The following DPH6 variants were observed in gnomAD, a reference collection of about 807,000 sequenced individuals.
DPH6 encodes diphthine--ammonia ligase.
In DPH6, 33 loss-of-function variants were observed where a neutral mutation model predicts 38.2. The observed-to-expected ratio is 0.86, with a 90% CI of 0.65 to 1.15. DPH6 has a LOEUF of 1.15. DPH6 is among the 50% of genes most tolerant of loss of function. The probability of loss-of-function intolerance (pLI) is 0.00; values close to 1 mark genes in which losing one functional copy is unlikely to be tolerated. For synonymous variants in DPH6, 108 were observed against 103.0 expected, an observed-to-expected ratio of 1.05 and a Z score of -0.30; for missense variants, 325 against 320.0, an observed-to-expected ratio of 1.02 and a Z score of -0.12.
At chr15:35,252,998 A>G (rs2051684778) in intron 3 of DPH6, among the ~76,000 whole-genome samples, 1 of 152,208 alleles carries the variant, frequency 6.6e-6, no homozygotes, top group Non-Finnish European at 1.5e-5. Flanking sequence ...TTAGTAATAA[A>G]TAGACTTGGG....
intron 8 of DPH6, among the ~76,000 whole-genome samples, chr15:35,373,181 T>C (rs2052734806): frequency 6.6e-6 from 1 of 151,954 alleles, no homozygotes; most frequent in Non-Finnish European, 1.5e-5. Context: ...CCTCAAACCC[T>C]TCCCTTAATG....
intron 3 of DPH6, among the ~76,000 whole-genome samples, chr15:35,475,802 C>T (rs566569278): frequency 1.3e-5 from 2 of 150,264 alleles, no homozygotes; most frequent in East Asian, 2.0e-4. Context: ...TAAGAGTGGC[C>T]GAGCAAAGAT....
At chr15:35,311,099 A>C (rs989737171) in intron 3 of DPH6, among the ~76,000 whole-genome samples, 4 of 151,514 alleles carry the variant, frequency 2.6e-5, no homozygotes, top group Admixed American at 2.0e-4. Flanking sequence ...AAACCCAAAA[A>C]AACCAGATCA....
chr15:35,462,525 C>G (rs1026616859), intron 3 of DPH6, among the ~76,000 whole-genome samples: 1 of 152,166 alleles, frequency 6.6e-6, no homozygotes, highest in East Asian at 1.9e-4. Context: ...ACCTCAAGGT[C>G]TCTGGGCTTA....
At chr15:35,255,709 G>A (rs1302879698) in intron 3 of DPH6, among the ~76,000 whole-genome samples, 19 of 152,066 alleles carry the variant, frequency 1.2e-4, no homozygotes, top group Admixed American at 1.2e-3. Flanking sequence ...AGTAAAGGTC[G>A]TCTTGAAATT....
intron 3 of DPH6, among the ~76,000 whole-genome samples, chr15:35,248,193 C>T (rs1412644531): frequency 6.6e-6 from 1 of 152,198 alleles, no homozygotes; most frequent in Non-Finnish European, 1.5e-5. Flanking sequence ...GCCCTCCTGT[C>T]TCTTACCTCT....
At chr15:35,447,979 G>C (rs2053878575) in intron 5 of DPH6, among the ~76,000 whole-genome samples, 1 of 152,036 alleles carries the variant, frequency 6.6e-6, no homozygotes, top group Admixed American at 6.5e-5. Flanking sequence ...CCTTAAACCA[G>C]TATAGTTTTT....
chr15:35,520,283 G>T, intron 3 of DPH6: 1 of 952,306 alleles, frequency 1.1e-6, no homozygotes, highest in Non-Finnish European at 1.2e-6. Flanking sequence ...CCTATTTTAA[G>T]CATAATTTTA....
chr15:35,496,563 A>ATATATAT (rs1555406393), intron 3 of DPH6, among the ~76,000 whole-genome samples: 11 of 16,014 alleles, frequency 6.9e-4, no homozygotes, highest in South Asian at 4.5e-3. Context: ...CTCAAAAAAA[A>ATATATAT]AAAAATATAT....
At chr15:35,330,200 C>T (rs180968323), downstream of DPH6, among the ~76,000 whole-genome samples, 2 of 152,180 alleles carry the variant, frequency 1.3e-5, no homozygotes, top group Non-Finnish European at 2.9e-5. Flanking sequence ...ATTCCGTATT[C>T]AGCCATGAAC....
At chr15:35,435,738 T>A (rs2053690400) in intron 5 of DPH6, among the ~76,000 whole-genome samples, 2 of 152,094 alleles carry the variant, frequency 1.3e-5, no homozygotes, top group Non-Finnish European at 2.9e-5. Flanking sequence ...GAGCAAAAAA[T>A]CTTGCATCAT....
chr15:35,181,341 A>C, the DPH6 span, among the ~76,000 whole-genome samples: 1 of 150,580 alleles, frequency 6.6e-6, no homozygotes, highest in Non-Finnish European at 1.5e-5. Flanking sequence ...CAAACTTTTC[A>C]CTTTGTTTTA....
At chr15:35,145,568 G>A in the DPH6 span, among the ~76,000 whole-genome samples, 5 of 152,176 alleles carry the variant, frequency 3.3e-5, no homozygotes, top group African/African-American at 4.8e-5. Context: ...ATACACTTGC[G>A]CAGAAAACAA....
At chr15:35,210,493 C>A in the DPH6 span, among the ~76,000 whole-genome samples, 1 of 152,110 alleles carries the variant, frequency 6.6e-6, no homozygotes, top group Non-Finnish European at 1.5e-5. Context: ...GAATAATTAA[C>A]CACTGTATTT....
intron 3 of DPH6, among the ~76,000 whole-genome samples, chr15:35,279,084 T>TATATATATAA (rs1440623243): frequency 2.0e-4 from 28 of 143,364 alleles, no homozygotes; most frequent in African/African-American, 7.4e-4. Context: ...TATATATATA[T>TATATATATAA]AATTTTGGAG....
chr15:35,403,465 T>C (rs2053248802), intron 6 of DPH6, among the ~76,000 whole-genome samples: 1 of 152,064 alleles, frequency 6.6e-6, no homozygotes, highest in Non-Finnish European at 1.5e-5. Context: ...TTATTGACTA[T>C]AGGCCCCCTG....
chr15:35,542,627 C>CA (rs201899658), intron 1 of DPH6, 120 bp from the exon 2 acceptor site: 177 of 906,524 alleles, frequency 2.0e-4, no homozygotes, highest in African/African-American at 6.1e-4. Flanking sequence ...TATTACAATG[C>CA]AAAAAAAACC....
At chr15:35,260,724 G>A (rs77569531) in intron 3 of DPH6, among the ~76,000 whole-genome samples, 29 of 151,648 alleles carry the variant, frequency 1.9e-4, no homozygotes, top group African/African-American at 5.6e-4. Flanking sequence ...CTATCTCAAG[G>A]GGAAAGTTCC....
chr15:35,298,641 T>C (rs956974389), intron 3 of DPH6: 20 of 1,104,406 alleles, frequency 1.8e-5, no homozygotes, highest in Non-Finnish European at 2.8e-5. Context: ...CCAAGCTTGC[T>C]GGTCTTCTCC....
Sources: allele counts gnomAD v4.1 joint callset (sites outside exome capture counted in the v4.1 genomes callset), GRCh38; gene constraint gnomAD v4.1.1; transcripts MANE v1.5; gene names NCBI Gene and HGNC (gene_info 2026-07-23, HGNC 2026-07-21).